SLC41A2: variants seen among roughly 807,000 people sequenced by gnomAD.
SLC41A2 encodes solute carrier family 41 member 2.
Under a neutral mutation model 58.3 loss-of-function variants are expected in SLC41A2, and 32 were observed. That is an observed-to-expected ratio of 0.55 (90% CI 0.41 to 0.74). The LOEUF (loss-of-function observed/expected upper bound fraction) is 0.74. Among genes scored for constraint, SLC41A2 ranks in the 30% least tolerant of loss-of-function variants. The probability of loss-of-function intolerance (pLI) is 0.00; values close to 1 mark genes in which losing one functional copy is unlikely to be tolerated. For missense variants in SLC41A2, 514 were observed against 680.6 expected (o/e 0.76, Z 2.72); for synonymous variants, 190 against 235.0 (o/e 0.81, Z 1.75).
chr12:104,928,221 A>T lies in SLC41A2; in HGVS notation c.307T>A (p.Ser103Thr). The T allele has an allele frequency of 2.5e-6, 4 of 1,614,188 alleles. No homozygotes were observed. The highest frequency in any genetic ancestry group is 3.4e-6 in the Non-Finnish European group (4 of 1,180,014). The change falls in exon 2 of 11, where the codon TCA (serine) becomes ACA (threonine). Residue 103 changes from serine (S) to threonine (T), a missense_variant. Coordinates refer to ENST00000258538, the MANE Select transcript of SLC41A2 (RefSeq NM_001352171.3). ...SFHANNGHASSSCSQKYDDYA... is the reference protein window; with the variant it reads ...SFHANNGHASTSCSQKYDDYA... Reference sequence around the variant, plus strand: ...TCATCATACTTTTGGCTGCAGCTTGATGATGCGTGCCCATTATTGGCATGA... The same window carrying T: ...TCATCATACTTTTGGCTGCAGCTTGTTGATGCGTGCCCATTATTGGCATGA...
intron 1 of SLC41A2, among the ~76,000 whole-genome samples, chr12:104,947,972 A>C (rs1329136954): frequency 6.6e-6 from 1 of 152,222 alleles, no homozygotes; most frequent in African/African-American, 2.4e-5. Context: ...ATCCACCATG[A>C]GTTTGCCTGG....
chr12:104,822,661 A>G (rs2041682756), intron 10 of SLC41A2, among the ~76,000 whole-genome samples: 1 of 152,196 alleles, frequency 6.6e-6, no homozygotes, highest in Admixed American at 6.5e-5. Flanking sequence ...CCCTCTCTTG[A>G]CTAAGCTCAG....
chr12:104,803,108 A>G lies in SLC41A2; in HGVS notation c.*2044T>C, dbSNP rs1195199711. On this transcript the variant is annotated 3_prime_UTR_variant, in exon 11 of 11. Transcript: ENST00000258538. ...AATGTGTAATATAATAAAGTTGTTGATTAATGCTTTAAAAATGTAGCTTGC... is the reference window on the plus strand; with the variant it reads ...AATGTGTAATATAATAAAGTTGTTGGTTAATGCTTTAAAAATGTAGCTTGC... The G allele has an allele frequency of 3.3e-5, 5 of 152,194 alleles. No individual in the cohort carries two copies. Among genetic ancestry groups the G allele is most frequent in the African/African-American group, 1.2e-4 (5 of 41,464 alleles). The allele number at this position is 152,194 out of a possible 1,614,324, so 9.4% of individuals were successfully genotyped here. A position where few individuals can be genotyped will look rare whatever the true frequency, so the allele number is the denominator to read the frequency against.
At chr12:104,836,597 G>C (rs1344483406) in intron 10 of SLC41A2, among the ~76,000 whole-genome samples, 1 of 152,148 alleles carries the variant, frequency 6.6e-6, no homozygotes, top group African/African-American at 2.4e-5. Context: ...GGCAGAGATA[G>C]GTGAATATAC....
chr12:104,845,896 A>G lies in SLC41A2; in HGVS notation c.1334T>C (p.Leu445Ser), dbSNP rs944960708. Residue 445 changes from leucine (L) to serine (S), a missense_variant, in exon 9 of 11, where the codon TTG becomes TCG. Leu to Ser is a moderately radical substitution (Grantham distance 145). Coordinates refer to ENST00000258538, the MANE Select transcript of SLC41A2 (RefSeq NM_001352171.3). ...GTAACAACCTTTGGGTTCATCAGGCAATTCTCCTGGAATGCTATGTAAATG... is the reference window on the plus strand; with the variant it reads ...GTAACAACCTTTGGGTTCATCAGGCGATTCTCCTGGAATGCTATGTAAATG... ...YLHLHSIPGE[L>S]PDEPKGCYYP... The G allele has an allele frequency of 2.5e-6, 4 of 1,613,990 alleles. No individual in the cohort carries two copies. Among genetic ancestry groups the G allele is most frequent in the Non-Finnish European group, 3.4e-6 (4 of 1,179,906 alleles).
At chr12:104,911,746 T>C (rs1434602321) in intron 2 of SLC41A2, among the ~76,000 whole-genome samples, 2 of 152,158 alleles carry the variant, frequency 1.3e-5, no homozygotes, top group African/African-American at 4.8e-5. Context: ...AAAATCCTGG[T>C]TCAAAGAGTT....
intron 4 of SLC41A2, among the ~76,000 whole-genome samples, chr12:104,894,702 C>T (rs1003112847): frequency 6.6e-6 from 1 of 152,062 alleles, no homozygotes; most frequent in African/African-American, 2.4e-5. Flanking sequence ...TCGCAGTCTT[C>T]AGTCTTAGGG....
In SLC41A2 at chr12:104,904,569, G is replaced by A. The variant is rs551858701; in HGVS notation, c.663+5086C>T. Among the ~76,000 whole-genome samples, 13 of 125,560 alleles carry A rather than the reference G, an allele frequency of 1.0e-4. 1 individual carries two copies. The highest frequency in any genetic ancestry group is 3.3e-4 in the African/African-American group (11 of 33,792). The allele number at this position is 125,560 out of a possible 152,430, so 82.4% of individuals were successfully genotyped here. On this transcript the variant is annotated intron_variant, in intron 3 of 10. Coordinates refer to ENST00000258538, the MANE Select transcript of SLC41A2 (RefSeq NM_001352171.3). The stretch of plus-strand genomic sequence containing the variant: ...GGGTTCTTGGTCTCACTGACTTCAA[G>A]AATGAAGCCGCGGACCCTCGCAGTG...
At chr12:104,866,093 C>T (rs966349708) in intron 7 of SLC41A2, among the ~76,000 whole-genome samples, 2 of 152,020 alleles carry the variant, frequency 1.3e-5, no homozygotes, top group African/African-American at 4.8e-5. Flanking sequence ...AAGTAATGTC[C>T]TTGTCAGGTT....
chr12:104,956,581 A>G (rs2048178152), intron 1 of SLC41A2, among the ~76,000 whole-genome samples: 1 of 152,172 alleles, frequency 6.6e-6, no homozygotes, highest in Non-Finnish European at 1.5e-5. Flanking sequence ...TGGGAGGCTG[A>G]GGCAGGAGAA....
At chr12:104,925,559 A>T (rs1374732780) in intron 2 of SLC41A2, among the ~76,000 whole-genome samples, 1 of 68,276 alleles carries the variant, frequency 1.5e-5, no homozygotes, top group Non-Finnish European at 2.6e-5. Context: ...CTCCATCTCA[A>T]AAAAAGAAAA....
chr12:104,892,406 C>T (rs535560835), intron 4 of SLC41A2, among the ~76,000 whole-genome samples: 1 of 151,622 alleles, frequency 6.6e-6, no homozygotes, highest in African/African-American at 2.4e-5. Context: ...TTAGAATAAT[C>T]AATATTGTTA....
chr12:104,862,074 A>G (rs571905506), intron 7 of SLC41A2, among the ~76,000 whole-genome samples: 17 of 152,358 alleles, frequency 1.1e-4, no homozygotes, highest in African/African-American at 3.8e-4. Context: ...TCTGTGTAGT[A>G]TAAAACATTG....
At chr12:104,890,721 G>A (rs1000762688) in intron 4 of SLC41A2, among the ~76,000 whole-genome samples, 1 of 152,208 alleles carries the variant, frequency 6.6e-6, no homozygotes, top group Non-Finnish European at 1.5e-5. Flanking sequence ...TTTGGTACAG[G>A]ACACGTCCCT....
rs1421872688 is a variant in SLC41A2 at position 104,861,271 on chromosome 12, A to G, written c.1255+20T>C. 3 of 1,547,226 alleles carry G rather than the reference A, an allele frequency of 1.9e-6. No individual in the cohort carries two copies. The highest frequency in any genetic ancestry group is 1.7e-4 in the Middle Eastern group (1 of 5,856). ...TACGAAGATTTGATATTATCATGAA[A>G]CAGTATATCTAATTCTTACCATTAA... On this transcript the variant is annotated intron_variant, in intron 8 of 10. Coordinates refer to ENST00000258538, the MANE Select transcript of SLC41A2 (RefSeq NM_001352171.3).
At chr12:104,813,511 G>T (rs2041263255) in intron 10 of SLC41A2, among the ~76,000 whole-genome samples, 1 of 152,002 alleles carries the variant, frequency 6.6e-6, no homozygotes, top group South Asian at 2.1e-4. Flanking sequence ...AAAATATAGG[G>T]ATAAATAACA....
At chr12:104,917,737 C>T (rs1015993248) in intron 2 of SLC41A2, among the ~76,000 whole-genome samples, 10 of 147,164 alleles carry the variant, frequency 6.8e-5, no homozygotes, top group African/African-American at 1.8e-4. Context: ...AACCAAACAC[C>T]GCATGTTCTC....
intron 6 of SLC41A2, among the ~76,000 whole-genome samples, chr12:104,873,003 T>C (rs2043860359): frequency 6.6e-6 from 1 of 152,202 alleles, no homozygotes; most frequent in African/African-American, 2.4e-5. Flanking sequence ...ATCTCAGATA[T>C]TTAACCTCTT....
intron 2 of SLC41A2, among the ~76,000 whole-genome samples, chr12:104,919,208 T>C (rs1373378620): frequency 6.6e-6 from 1 of 152,244 alleles, no homozygotes; most frequent in Non-Finnish European, 1.5e-5. Context: ...TGGGTAGTAG[T>C]ATTCCATCAT....
Sources: allele counts gnomAD v4.1 joint callset (sites outside exome capture counted in the v4.1 genomes callset), GRCh38; gene constraint gnomAD v4.1.1; transcripts MANE v1.5; gene names NCBI Gene and HGNC (gene_info 2026-07-23, HGNC 2026-07-21).